ELFN2: variants seen among roughly 807,000 people sequenced by gnomAD.
The protein encoded by ELFN2 is protein phosphatase 1 regulatory subunit 29.
In ELFN2, 17 loss-of-function variants were observed where a neutral mutation model predicts 45.5. The ratio of observed to expected loss-of-function variants is 0.37; its 90% confidence interval spans 0.26 to 0.56. The LOEUF (loss-of-function observed/expected upper bound fraction) is 0.56. Ranked by LOEUF, ELFN2 falls within the 20% of genes least tolerant of loss-of-function variation. The pLI is 0.77. For synonymous variants in ELFN2, 550 were observed against 551.5 expected (o/e 1.00, Z 0.04); for missense variants, 922 against 1,183.2 (o/e 0.78, Z 3.24).
Position 37,375,345 on chromosome 22 carries a change from C to T in ELFN2, c.190G>A (p.Glu64Lys), listed in dbSNP as rs1367932511. 1 of 1,614,068 alleles carries T rather than the reference C, an allele frequency of 6.2e-7. No individual in the cohort carries two copies. The highest frequency in any genetic ancestry group is 2.2e-5 in the East Asian group (1 of 44,872). Residue 64 changes from glutamate (E) to lysine (K), a missense_variant, in exon 3 of 3, where the codon GAG becomes AAG. By Grantham distance (56) the Glu-to-Lys change is moderately conservative. Coordinates refer to ENST00000402918, the MANE Select transcript of ELFN2 (RefSeq NM_052906.5). ...TAGAGCACGGCTTTGAGCTTGTTCT[C>T]GTTGAGCCGCAGGTCGTGCACGGTG... ...NSTVHDLRLN[E>K]NKLKAVLYSS...
intron 2 of ELFN2, among the ~76,000 whole-genome samples, chr22:37,411,808 G>A (rs1446548959): frequency 6.6e-6 from 1 of 152,084 alleles, no homozygotes; most frequent in African/African-American, 2.4e-5. Context: ...TCCCCTCCAG[G>A]AGCCTGGCAG....
At chr22:37,400,193 A>G (rs1932328193) in intron 2 of ELFN2, among the ~76,000 whole-genome samples, 1 of 151,576 alleles carries the variant, frequency 6.6e-6, no homozygotes, top group South Asian at 2.1e-4. Context: ...CCTCCACTCC[A>G]CTCAGAGATG....
At chr22:37,388,903 T>C (rs1327841246) in intron 2 of ELFN2, among the ~76,000 whole-genome samples, 1 of 152,214 alleles carries the variant, frequency 6.6e-6, no homozygotes, top group South Asian at 2.1e-4. Context: ...TCCAACTGCA[T>C]TGCCCTTGGC....
intron 2 of ELFN2, among the ~76,000 whole-genome samples, chr22:37,403,704 G>A (rs1290425189): frequency 1.3e-5 from 2 of 152,208 alleles, no homozygotes; most frequent in Non-Finnish European, 2.9e-5. Flanking sequence ...AGACCATCCG[G>A]GACCTCCTCT....
downstream of ELFN2, among the ~76,000 whole-genome samples, chr22:37,365,249 C>T (rs1931178131): frequency 6.6e-6 from 1 of 152,206 alleles, no homozygotes; most frequent in Non-Finnish European, 1.5e-5. Context: ...ATTTTAGGCT[C>T]ACCTCTGGAA....
At chr22:37,382,210 G>T (rs1477349859) in intron 2 of ELFN2, among the ~76,000 whole-genome samples, 1 of 152,118 alleles carries the variant, frequency 6.6e-6, no homozygotes, top group Admixed American at 6.5e-5. Context: ...ACTTTCCAAG[G>T]CTCCTCCCTG....
Position 37,349,074 on chromosome 22 carries a change from G to A in ELFN2, n.149-6371C>T, listed in dbSNP as rs572146058. On this transcript the variant is annotated intron_variant and non_coding_transcript_variant, in intron 1 of 2. Coordinates refer to ENST00000452946, the Ensembl canonical transcript of ELFN2. ...AGAGCATCTCTTCTGCATGCCACGC[G>A]CTAGCCTGGGCTGGGCCGGTTGACT... is the stretch of plus-strand genomic sequence containing the variant. 4.0e-5 allele frequency among the ~76,000 whole-genome samples: 6 copies of A among 151,416 alleles called. No homozygotes were observed. The South Asian group carries it at 8.3e-4, about 21-fold the overall frequency.
chr22:37,422,948 G>T lies in ELFN2; in HGVS notation c.-614+4350C>A, dbSNP rs1050013597. Among the ~76,000 whole-genome samples the T allele has an allele frequency of 7.1e-4, 95 of 133,420 alleles. 3 individuals are homozygous for T. The highest frequency in any genetic ancestry group is 1.7e-3 in the South Asian group (8 of 4,574). 87.5% of individuals were successfully genotyped at this position (133,420 alleles called of 152,430 possible). On this transcript the variant is annotated intron_variant, in intron 1 of 2. Transcript: ENST00000402918. ...ATATTGAGGAAACTGGGCCTCGGGG[G>T]GGGGGGGGGAAGTGACTTGCCCAGG... is the stretch of plus-strand genomic sequence containing the variant.
chr22:37,350,158 G>T (rs1041387775), intron 1 of ELFN2, among the ~76,000 whole-genome samples: 2 of 151,008 alleles, frequency 1.3e-5, no homozygotes, highest in Non-Finnish European at 3.0e-5. Flanking sequence ...AGACGCCCAG[G>T]AGTGAGCGGG....
chr22:37,399,843 C>T (rs556745082), intron 2 of ELFN2, among the ~76,000 whole-genome samples: 19 of 152,338 alleles, frequency 1.2e-4, no homozygotes, highest in Admixed American at 5.9e-4. Flanking sequence ...ACCACCTCCC[C>T]GCCATGGCCG....
chr22:37,343,585 C>T (rs941136536), intron 1 of ELFN2, among the ~76,000 whole-genome samples: 1 of 152,130 alleles, frequency 6.6e-6, no homozygotes, highest in Non-Finnish European at 1.5e-5. Context: ...GCCTGTCTTG[C>T]TCCCTCCTCA....
intron 2 of ELFN2, among the ~76,000 whole-genome samples, chr22:37,376,398 C>G (rs1333824242): frequency 1.7e-5 from 2 of 121,122 alleles, no homozygotes; most frequent in Non-Finnish European, 3.5e-5. Context: ...CACACGCAGA[C>G]AGCTACACAC....
rs1346271092 is a variant in ELFN2 at position 37,374,723 on chromosome 22, T to C, written c.812A>G (p.Glu271Gly). 1 of 1,611,822 alleles carries C rather than the reference T, an allele frequency of 6.2e-7. No homozygotes were observed. The highest frequency in any genetic ancestry group is 2.2e-5 in the East Asian group (1 of 44,820). The change falls in exon 3 of 3, where the codon GAG (glutamate) becomes GGG (glycine). Residue 271 changes from glutamate to glycine, a missense_variant. Glu to Gly is a moderately conservative substitution (Grantham distance 98, BLOSUM62 -2). This residue lies in a region of ELFN2 where 358 missense variants were observed against 540.4 expected (regional missense o/e 0.66). Transcript: ENST00000402918. Reference sequence around the variant, plus strand: ...CTCGTCGGGGTTGAAGCCCGAGTTCTCGTCTGGCTCCCTCTGGGCGTCGGT... The same window carrying C: ...CTCGTCGGGGTTGAAGCCCGAGTTCCCGTCTGGCTCCCTCTGGGCGTCGGT... ...YSTDAQREPD[E>G]NSGFNPDEIL...
Position 37,375,067 on chromosome 22 carries a change from G to T in ELFN2, c.468C>A (p.Ile156=). Residue 156 remains isoleucine (I), a synonymous_variant, in exon 3 of 3, where the codon ATC becomes ATA. Transcript: ENST00000402918. ...AFSECPSLIS[I]DLSSNRLSRL... is the part of the protein sequence containing the mutation. ...GGCTGAGGCGGTTGGAGGACAGGTC[G>T]ATGCTGATGAGGCTCGGGCACTCGG... 1 of 1,613,614 alleles carries T rather than the reference G, an allele frequency of 6.2e-7. No individual in the cohort carries two copies.
At chr22:37,379,714 G>A (rs558672659) in intron 2 of ELFN2, among the ~76,000 whole-genome samples, 2 of 152,290 alleles carry the variant, frequency 1.3e-5, no homozygotes, top group African/African-American at 2.4e-5. Flanking sequence ...CTGCTCTGAG[G>A]GCAGAGCTGG....
intron 2 of ELFN2, among the ~76,000 whole-genome samples, chr22:37,396,836 C>T (rs897271106): frequency 2.0e-4 from 31 of 152,296 alleles, no homozygotes; most frequent in South Asian, 2.1e-4. Flanking sequence ...CCAGCTTTCC[C>T]GTCAACTCCT....
intron 1 of ELFN2, among the ~76,000 whole-genome samples, chr22:37,356,320 C>A (rs985463444): frequency 6.6e-6 from 1 of 152,212 alleles, no homozygotes; most frequent in African/African-American, 2.4e-5. Flanking sequence ...GTGGGCTGAA[C>A]ACCCCAGAGG....
At chr22:37,392,577 C>T (rs1365089668) in intron 2 of ELFN2, among the ~76,000 whole-genome samples, 2 of 152,150 alleles carry the variant, frequency 1.3e-5, no homozygotes, top group Admixed American at 6.5e-5. Context: ...CTTGGCCTCC[C>T]AAAGTGCTGG....
At chr22:37,364,894 AG>A (rs1931168324), downstream of ELFN2, among the ~76,000 whole-genome samples, 1 of 152,228 alleles carries the variant, frequency 6.6e-6, no homozygotes, top group Admixed American at 6.5e-5. Context: ...TGCTGACCTG[AG>A]TGCCTCAGCC....
Sources: allele counts gnomAD v4.1 joint callset (sites outside exome capture counted in the v4.1 genomes callset), GRCh38; gene constraint gnomAD v4.1.1; regional missense constraint gnomAD v4.1.1; transcripts MANE v1.5; gene names NCBI Gene and HGNC (gene_info 2026-07-23, HGNC 2026-07-21).